Variants in ASTN2 observed in about 807,000 individuals in gnomAD.
ASTN2 encodes astrotactin-2.
A neutral mutation model predicts 139.8 loss-of-function variants in ASTN2; 54 were observed. That is an observed-to-expected ratio of 0.39 (90% CI 0.31 to 0.48). The LOEUF (loss-of-function observed/expected upper bound fraction) is 0.48. Ranked by LOEUF, ASTN2 falls within the 20% of genes least tolerant of loss-of-function variation. The pLI is 0.95. For synonymous variants in ASTN2, 756 were observed against 719.5 expected (o/e 1.05, Z -0.81); for missense variants, 1,565 against 1,725.1 (o/e 0.91, Z 1.64).
chr9:117,412,145 C>T (rs1831182768), intron 1 of ASTN2, among the ~76,000 whole-genome samples: 1 of 152,150 alleles, frequency 6.6e-6, no homozygotes, highest in Non-Finnish European at 1.5e-5. Context: ...CCCTACACAG[C>T]TCCTGCTATA....
chr9:116,477,694 A>G (rs1351468979), intron 20 of ASTN2, among the ~76,000 whole-genome samples: 1 of 151,628 alleles, frequency 6.6e-6, no homozygotes, highest in African/African-American at 2.4e-5. Context: ...ACACAGAGAG[A>G]GCAAGTAGAA....
At chr9:117,253,973 C>T (rs1833611653) in intron 2 of ASTN2, among the ~76,000 whole-genome samples, 1 of 152,154 alleles carries the variant, frequency 6.6e-6, no homozygotes, top group African/African-American at 2.4e-5. Flanking sequence ...GCTCACAGGC[C>T]TGCCTACCTC....
At chr9:116,927,426 T>A (rs1459463148) in intron 10 of ASTN2, among the ~76,000 whole-genome samples, 1 of 152,238 alleles carries the variant, frequency 6.6e-6, no homozygotes, top group Middle Eastern at 3.2e-3. Flanking sequence ...AACAGGAAGC[T>A]GGTGGGTTTT....
intron 2 of ASTN2, among the ~76,000 whole-genome samples, chr9:117,222,330 C>T (rs149658853): frequency 1.7e-3 from 254 of 152,322 alleles, no homozygotes; most frequent in African/African-American, 5.3e-3. Context: ...ACCACCCCTA[C>T]TAAGCTCTTG....
intron 5 of ASTN2, among the ~76,000 whole-genome samples, chr9:117,085,015 G>C (rs116454493): frequency 6.6e-6 from 1 of 152,134 alleles, no homozygotes; most frequent in Non-Finnish European, 1.5e-5. Flanking sequence ...TAGAACTCAC[G>C]ATTCTCTCAA....
chr9:116,989,351 G>T (rs1237675602), intron 7 of ASTN2, among the ~76,000 whole-genome samples: 2 of 152,012 alleles, frequency 1.3e-5, no homozygotes, highest in Non-Finnish European at 2.9e-5. Flanking sequence ...AGGAATTTGA[G>T]AAAAAAGAAG....
At chr9:116,455,455 T>C (rs1848305949) in intron 20 of ASTN2, among the ~76,000 whole-genome samples, 1 of 152,146 alleles carries the variant, frequency 6.6e-6, no homozygotes, top group South Asian at 2.1e-4. Flanking sequence ...CTACAAATTA[T>C]TTAAGTTGTA....
intron 17 of ASTN2, among the ~76,000 whole-genome samples, chr9:116,641,122 C>T (rs1009842840): frequency 2.0e-5 from 3 of 152,150 alleles, no homozygotes; most frequent in Non-Finnish European, 2.9e-5. Flanking sequence ...TGAGAAGTTA[C>T]TGTACTTTTA....
intron 12 of ASTN2, among the ~76,000 whole-genome samples, chr9:116,816,537 C>T (rs112770864): frequency 0.01 from 1,546 of 152,208 alleles, 17 homozygotes; most frequent in South Asian, 0.019. Context: ...AAATCTTAGG[C>T]GGATGAATTC....
chr9:116,507,573 A>G (rs758769642), intron 19 of ASTN2, among the ~76,000 whole-genome samples: 58 of 152,154 alleles, frequency 3.8e-4, no homozygotes, highest in Non-Finnish European at 6.0e-4. Context: ...CTGGACCACA[A>G]TATTCCCACA....
At chr9:116,514,079 A>G (rs1850530758) in intron 19 of ASTN2, among the ~76,000 whole-genome samples, 2 of 151,724 alleles carry the variant, frequency 1.3e-5, no homozygotes, top group Non-Finnish European at 2.9e-5. Context: ...AGGTGCTCTG[A>G]TTTTTAGAAT....
intron 7 of ASTN2, among the ~76,000 whole-genome samples, chr9:116,984,447 C>A (rs944322): frequency 0.53 from 81,103 of 151,962 alleles, 22,470 homozygotes; most frequent in South Asian, 0.73. Context: ...CTCCCTGTGA[C>A]TTTTATGCTC....
chr9:116,665,877 C>T (rs1261646846), intron 16 of ASTN2, among the ~76,000 whole-genome samples: 1 of 152,014 alleles, frequency 6.6e-6, no homozygotes, highest in African/African-American at 2.4e-5. Flanking sequence ...CAAATAAAAA[C>T]CAAATTAACA....
intron 5 of ASTN2, among the ~76,000 whole-genome samples, chr9:117,071,832 G>A (rs994208555): frequency 2.0e-5 from 3 of 151,986 alleles, no homozygotes; most frequent in Non-Finnish European, 4.4e-5. Flanking sequence ...GACCCCTTGC[G>A]CTTCCCAGGT....
At chr9:116,930,539 G>C (rs991980911) in intron 10 of ASTN2, among the ~76,000 whole-genome samples, 1 of 151,874 alleles carries the variant, frequency 6.6e-6, no homozygotes, top group African/African-American at 2.4e-5. Flanking sequence ...ATATACTTCT[G>C]AGCAGGGTTA....
At chr9:116,445,695 G>A (rs548972074) in intron 20 of ASTN2, among the ~76,000 whole-genome samples, 10 of 152,132 alleles carry the variant, frequency 6.6e-5, no homozygotes, top group Admixed American at 3.9e-4. Context: ...AAGTCACTTC[G>A]CCTGCTTTGA....
At chr9:116,551,832 T>C (rs1852360425) in intron 19 of ASTN2, among the ~76,000 whole-genome samples, 1 of 152,176 alleles carries the variant, frequency 6.6e-6, no homozygotes, top group Non-Finnish European at 1.5e-5. Flanking sequence ...GAAATCAAGC[T>C]GGAGAGTGCG....
intron 22 of ASTN2, 38 bp from the exon 23 acceptor site, chr9:116,426,126 C>A: frequency 6.2e-7 from 1 of 1,605,022 alleles, no homozygotes; most frequent in South Asian, 1.1e-5. Context: ...TTAAAGAAGT[C>A]CAGATCAAGA....
chr9:116,648,902 T>C (rs1374871967), intron 17 of ASTN2, among the ~76,000 whole-genome samples: 3 of 151,458 alleles, frequency 2.0e-5, no homozygotes, highest in Non-Finnish European at 4.4e-5. Context: ...GGCATGGTGG[T>C]GGACGCCTGT....
Sources: allele counts gnomAD v4.1 joint callset (sites outside exome capture counted in the v4.1 genomes callset), GRCh38; gene constraint gnomAD v4.1.1; transcripts MANE v1.5; gene names NCBI Gene and HGNC (gene_info 2026-07-23, HGNC 2026-07-21).